PTPRG: variants seen among roughly 807,000 people sequenced by gnomAD.
The protein encoded by PTPRG is protein tyrosine phosphatase receptor type G, also known as receptor-type tyrosine-protein phosphatase gamma.
A neutral mutation model predicts 165.3 loss-of-function variants in PTPRG; 102 were observed. The ratio of observed to expected loss-of-function variants is 0.62; its 90% confidence interval spans 0.53 to 0.73. The LOEUF (loss-of-function observed/expected upper bound fraction) is 0.73, where lower values mean the gene tolerates loss of function less well. Among genes scored for constraint, PTPRG ranks in the 30% least tolerant of loss-of-function variants. The probability of loss-of-function intolerance (pLI) is 0.00; values close to 1 mark genes in which losing one functional copy is unlikely to be tolerated. For missense variants in PTPRG, 1,866 were observed against 1,861.4 expected (o/e 1.00, Z -0.05); for synonymous variants, 675 against 669.5 (o/e 1.01, Z -0.13).
At chr3:62,060,795 G>A (rs964670704) in intron 4 of PTPRG, among the ~76,000 whole-genome samples, 2 of 152,116 alleles carry the variant, frequency 1.3e-5, no homozygotes, top group African/African-American at 4.8e-5. Context: ...AGAGGTAACC[G>A]AAGTTAAATA....
chr3:61,824,336 A>G (rs889515422), intron 2 of PTPRG, among the ~76,000 whole-genome samples: 6 of 152,174 alleles, frequency 3.9e-5, no homozygotes, highest in African/African-American at 7.2e-5. Flanking sequence ...TTGTTTCCTT[A>G]GGTGTTTCAT....
intron 2 of PTPRG, among the ~76,000 whole-genome samples, chr3:61,975,600 G>T (rs4440119): frequency 0.56 from 84,640 of 151,964 alleles, 24,528 homozygotes; most frequent in African/African-American, 0.73. Context: ...TCTCACCATG[G>T]AAGTCCTAAA....
intron 1 of PTPRG, among the ~76,000 whole-genome samples, chr3:61,739,888 G>A (rs1327985032): frequency 6.6e-6 from 1 of 152,134 alleles, no homozygotes; most frequent in African/African-American, 2.4e-5. Context: ...ATAGCATATT[G>A]TTGCCATTTG....
intron 18 of PTPRG, 74 bp downstream of exon 18, chr3:62,267,566 A>C: frequency 6.5e-7 from 1 of 1,526,938 alleles, no homozygotes; most frequent in South Asian, 1.2e-5. Context: ...AATATATTTT[A>C]ATACTGTACA....
chr3:61,814,721 T>G (rs1317896178), intron 2 of PTPRG, among the ~76,000 whole-genome samples: 3 of 151,612 alleles, frequency 2.0e-5, no homozygotes, highest in African/African-American at 7.3e-5. Flanking sequence ...GATAGGATAT[T>G]GCTCTTGCTT....
chr3:61,977,902 T>C (rs9985449), intron 2 of PTPRG, among the ~76,000 whole-genome samples: 70,333 of 152,068 alleles, frequency 0.46, 17,085 homozygotes, highest in African/African-American at 0.63. Context: ...AAAAATGTAA[T>C]TTAGAGGTCT....
rs763729213 is a variant in PTPRG at position 62,167,953 on chromosome 3, C to G, written c.841-18C>G. The stretch of plus-strand genomic sequence containing the variant: ...GTTGTTTTTTTTTTCCCCCTCCCCT[C>G]TCTGGTCCTCTGTTCAGCTTGAGGC... On this transcript the variant is annotated intron_variant, in intron 7 of 29. Transcript: ENST00000474889. 8 of 1,600,796 alleles carry G rather than the reference C, an allele frequency of 5.0e-6. No homozygotes were observed. The highest frequency in any genetic ancestry group is 4.0e-5 in the African/African-American group (3 of 74,526).
chr3:62,179,296 T>G (rs1223370450), intron 8 of PTPRG, among the ~76,000 whole-genome samples: 1 of 152,288 alleles, frequency 6.6e-6, no homozygotes, highest in East Asian at 1.9e-4. Context: ...GTTGTTACGG[T>G]TGCTGGCTTC....
At chr3:62,162,505 A>C (rs1704806339) in intron 7 of PTPRG, among the ~76,000 whole-genome samples, 1 of 152,226 alleles carries the variant, frequency 6.6e-6, no homozygotes, top group African/African-American at 2.4e-5. Flanking sequence ...TGCTGTGGCA[A>C]AGGATCAGCC....
chr3:61,857,103 C>T (rs2037129192), intron 2 of PTPRG, among the ~76,000 whole-genome samples: 1 of 150,780 alleles, frequency 6.6e-6, no homozygotes. Flanking sequence ...TTTTTTTTAC[C>T]CCCTCTCTCA....
intron 4 of PTPRG, among the ~76,000 whole-genome samples, chr3:62,041,139 A>T (rs975526881): frequency 9.8e-5 from 15 of 152,322 alleles, no homozygotes; most frequent in African/African-American, 3.6e-4. Flanking sequence ...TACATACTCA[A>T]GTTTTCTATT....
intron 5 of PTPRG, among the ~76,000 whole-genome samples, chr3:62,121,597 T>C (rs567954248): frequency 3.3e-4 from 50 of 152,286 alleles, no homozygotes; most frequent in Non-Finnish European, 6.3e-4. Context: ...AGGGGATCCA[T>C]CTGCACGTTT....
chr3:61,841,056 A>G (rs2036617196), intron 2 of PTPRG, among the ~76,000 whole-genome samples: 1 of 152,192 alleles, frequency 6.6e-6, no homozygotes. Flanking sequence ...TGCTGGGATT[A>G]CAGATGTGAG....
chr3:61,744,860 A>G (rs1391668426), intron 1 of PTPRG, among the ~76,000 whole-genome samples: 1 of 151,920 alleles, frequency 6.6e-6, no homozygotes, highest in African/African-American at 2.4e-5. Context: ...CATGTATTAA[A>G]TGCTTGCTGT....
intron 17 of PTPRG, chr3:62,264,197 T>C (rs1701789947): frequency 6.6e-6 from 1 of 151,896 alleles, no homozygotes; most frequent in Non-Finnish European, 1.5e-5. Context: ...CATGCGCCTG[T>C]AGTCCCAGCT....
intron 2 of PTPRG, among the ~76,000 whole-genome samples, chr3:61,798,793 G>A (rs186606113): frequency 2.3e-4 from 35 of 152,190 alleles, no homozygotes; most frequent in African/African-American, 8.2e-4. Context: ...GGCTTGACTA[G>A]TGAATGAAAT....
At position 61,586,383 on chromosome 3, in the gene PTPRG, T is replaced by C. The variant is rs558666284; in HGVS notation, c.85+24011T>C. Among the ~76,000 whole-genome samples the C allele has an allele frequency of 8.3e-4, 127 of 152,328 alleles. 1 individual carries two copies. Among genetic ancestry groups the C allele is most frequent in the Non-Finnish European group, 1.6e-3 (106 of 68,026 alleles). Reference sequence around the variant, plus strand: ...TCATTTTCATGTAAAAGTTTGGGATTGGACTCTCGTGTATGAAGATGATAT... The same window carrying C: ...TCATTTTCATGTAAAAGTTTGGGATCGGACTCTCGTGTATGAAGATGATAT... On this transcript the variant is annotated intron_variant, in intron 1 of 29. Coordinates refer to ENST00000474889, the MANE Select transcript of PTPRG (RefSeq NM_002841.4).
At chr3:61,828,869 C>T (rs2036188582) in intron 2 of PTPRG, among the ~76,000 whole-genome samples, 1 of 152,100 alleles carries the variant, frequency 6.6e-6, no homozygotes, top group African/African-American at 2.4e-5. Flanking sequence ...GGGCCAATAA[C>T]CTATATTTCC....
chr3:61,946,179 A>G (rs2039757297), intron 2 of PTPRG, among the ~76,000 whole-genome samples: 1 of 152,182 alleles, frequency 6.6e-6, no homozygotes, highest in Admixed American at 6.5e-5. Context: ...TACAATCCCA[A>G]AGTCAACTTC....
Sources: allele counts gnomAD v4.1 joint callset (sites outside exome capture counted in the v4.1 genomes callset), GRCh38; gene constraint gnomAD v4.1.1; transcripts MANE v1.5; gene names NCBI Gene and HGNC (gene_info 2026-07-23, HGNC 2026-07-21).